Variants in ACLY observed in about 807,000 individuals in gnomAD.
ACLY encodes the protein ATP citrate lyase, also known as ATP-citrate synthase.
A neutral mutation model predicts 133.0 loss-of-function variants in ACLY; 41 were observed. The observed-to-expected ratio is 0.31, with a 90% CI of 0.24 to 0.40. The LOEUF (loss-of-function observed/expected upper bound fraction) is 0.40. Among genes scored for constraint, ACLY ranks in the 10% least tolerant of loss-of-function variants. The pLI, the probability that ACLY is intolerant of heterozygous loss-of-function variation, is 1.00. For synonymous variants in ACLY, 495 were observed against 549.3 expected, an observed-to-expected ratio of 0.90 and a Z score of 1.38; for missense variants, 1,046 against 1,453.8, an observed-to-expected ratio of 0.72 and a Z score of 4.56.
chr17:41,899,241 C>T (rs2049458126), intron 11 of ACLY, among the ~76,000 whole-genome samples: 2 of 151,662 alleles, frequency 1.3e-5, no homozygotes, highest in African/African-American at 4.8e-5. Flanking sequence ...TGCGCCACTG[C>T]ACTCCAGCCT....
intron 9 of ACLY, among the ~76,000 whole-genome samples, chr17:41,905,193 T>C (rs1567908044): frequency 2.6e-5 from 4 of 152,148 alleles, no homozygotes. Context: ...GGTCACTGAG[T>C]TTATTGCAAT....
At chr17:41,868,056 C>T (rs782696620) in intron 28 of ACLY, 152 bp from the exon 29 acceptor site, 26 of 448,112 alleles carry the variant, frequency 5.8e-5, no homozygotes, top group Non-Finnish European at 8.3e-5. Flanking sequence ...GTAGATGAGG[C>T]GGACTTTGTA....
intron 22 of ACLY, among the ~76,000 whole-genome samples, chr17:41,877,340 A>T (rs2048788400): frequency 6.7e-6 from 1 of 149,960 alleles, no homozygotes; most frequent in Admixed American, 6.6e-5. Context: ...ATGGGGTTTC[A>T]CCATGTTGGC....
At chr17:41,900,931 T>C (rs139548210) in intron 11 of ACLY, among the ~76,000 whole-genome samples, 62 of 151,838 alleles carry the variant, frequency 4.1e-4, no homozygotes, top group African/African-American at 1.4e-3. Context: ...TTCTAGGTCT[T>C]TGCTCAAATG....
upstream of ACLY, among the ~76,000 whole-genome samples, chr17:41,921,123 T>C (rs2050176681): frequency 1.1e-5 from 1 of 89,334 alleles, no homozygotes. Flanking sequence ...CAAAACTCCA[T>C]CTCAAAGCAA....
chr17:41,877,920 G>A (rs373413492), intron 22 of ACLY, among the ~76,000 whole-genome samples, 183 bp downstream of exon 22: 1 of 152,058 alleles, frequency 6.6e-6, no homozygotes, highest in Admixed American at 6.6e-5. Context: ...GATCATGTAA[G>A]TTAATACTTA....
chr17:41,903,467 C>A (rs1555631987), intron 10 of ACLY, among the ~76,000 whole-genome samples: 1 of 151,984 alleles, frequency 6.6e-6, no homozygotes, highest in Non-Finnish European at 1.5e-5. Flanking sequence ...GATATAAGAC[C>A]AGGATGGCCG....
At chr17:41,900,686 C>T (rs527825451) in intron 11 of ACLY, among the ~76,000 whole-genome samples, 1 of 151,974 alleles carries the variant, frequency 6.6e-6, no homozygotes, top group Non-Finnish European at 1.5e-5. Context: ...GATGGTACCA[C>T]TGCACTCAAG....
rs1555634979 is a variant in ACLY at position 41,918,934 on chromosome 17, A to T, written c.-78T>A. On this transcript the variant is annotated 5_prime_UTR_variant, in exon 1 of 29. Transcript: ENST00000352035. ...TCCACAGGCCCGACGAACCCCGCAA[A>T]ATCCGGAGCACCCCAGCAGCCGGTA... 3.9e-6 allele frequency: 5 copies of T among 1,289,086 alleles called. No homozygotes were observed. Among genetic ancestry groups the T allele is most frequent in the Non-Finnish European group, 5.1e-6 (5 of 988,582 alleles). 79.9% of individuals were successfully genotyped at this position (1,289,086 alleles called of 1,614,324 possible). A position where few individuals can be genotyped will look rare whatever the true frequency, so the allele number is the denominator to read the frequency against.
chr17:41,895,619 C>T (rs188146527), intron 14 of ACLY, among the ~76,000 whole-genome samples: 1 of 152,358 alleles, frequency 6.6e-6, no homozygotes, highest in East Asian at 1.9e-4. Context: ...TAACCCCCCT[C>T]CTCATAACCC....
In ACLY at chr17:41,896,908, A is replaced by G. The variant is rs184725837; in HGVS notation, c.1430-259T>C. On this transcript the variant is annotated intron_variant, in intron 13 of 28. Coordinates refer to ENST00000352035, the MANE Select transcript of ACLY (RefSeq NM_001096.3). ...CAGGAGGAGGACAAAGGCTGGGCAGATGTGCTCAACACCAGCGCCTCCCCC... is the reference window on the plus strand; with the variant it reads ...CAGGAGGAGGACAAAGGCTGGGCAGGTGTGCTCAACACCAGCGCCTCCCCC... 3.4e-3 allele frequency among the ~76,000 whole-genome samples: 524 copies of G among 152,342 alleles called. 6 individuals carry two copies. Among genetic ancestry groups the G allele is most frequent in the African/African-American group, 0.012 (505 of 41,574 alleles).
chr17:41,892,885 C>T (rs2049254294), intron 15 of ACLY, 148 bp downstream of exon 15: 1 of 973,114 alleles, frequency 1.0e-6, no homozygotes, highest in East Asian at 2.7e-5. Flanking sequence ...CCTATGTTGC[C>T]CAGGGCTGGT....
chr17:41,902,481 T>G (rs1555631803), intron 10 of ACLY, among the ~76,000 whole-genome samples: 1 of 152,256 alleles, frequency 6.6e-6, no homozygotes, highest in African/African-American at 2.4e-5. Context: ...CGCAAAGTGC[T>G]GGGATTACAA....
intron 16 of ACLY, among the ~76,000 whole-genome samples, chr17:41,888,281 C>T (rs1187666505): frequency 2.0e-5 from 3 of 152,188 alleles, no homozygotes; most frequent in African/African-American, 7.2e-5. Flanking sequence ...CAGTGATCCA[C>T]CCAAGAGAGG....
intron 17 of ACLY, among the ~76,000 whole-genome samples, chr17:41,887,392 C>A (rs559790190): frequency 6.6e-6 from 1 of 152,066 alleles, no homozygotes; most frequent in East Asian, 1.9e-4. Flanking sequence ...GAGCCAGGAT[C>A]GCGCCATTGC....
At chr17:41,904,653 C>T (rs782315615) in intron 10 of ACLY, 76 bp downstream of exon 10, 170 of 1,439,576 alleles carry the variant, frequency 1.2e-4, no homozygotes, top group Non-Finnish European at 1.5e-4. Context: ...CTGGCTCAAA[C>T]TCTGCTTTCA....
intron 3 of ACLY, among the ~76,000 whole-genome samples, chr17:41,911,570 A>C (rs568154364): frequency 6.6e-6 from 1 of 152,352 alleles, no homozygotes; most frequent in South Asian, 2.1e-4. Flanking sequence ...GGTTCCAGCT[A>C]CATGGGAGGC....
chr17:41,908,960 C>G, intron 6 of ACLY, 29 bp downstream of exon 6: 2 of 1,579,158 alleles, frequency 1.3e-6, no homozygotes, highest in Non-Finnish European at 8.7e-7. Context: ...GGGACCCTTG[C>G]CCCCTCCCAG....
chr17:41,920,347 C>T (rs183800031), upstream of ACLY, among the ~76,000 whole-genome samples: 26 of 152,264 alleles, frequency 1.7e-4, no homozygotes, highest in African/African-American at 5.8e-4. Context: ...CACCTGTAAT[C>T]CCAGCACTTT....
Sources: gnomAD v4.1 joint callset for allele counts (sites outside exome capture counted in the v4.1 genomes callset) on GRCh38, gnomAD v4.1.1 for gene constraint, MANE v1.5 for transcripts, NCBI Gene and HGNC (gene_info 2026-07-23, HGNC 2026-07-21) for gene names.